Variants in CORIN observed in about 807,000 individuals in gnomAD.
The protein encoded by CORIN is corin, serine peptidase, also known as atrial natriuretic peptide-converting enzyme.
A neutral mutation model predicts 125.3 loss-of-function variants in CORIN; 117 were observed. That is an observed-to-expected ratio of 0.93 (90% CI 0.80 to 1.09). The LOEUF (loss-of-function observed/expected upper bound fraction) is 1.09, where lower values mean the gene tolerates loss of function less well. Ranked by LOEUF, CORIN falls within the 50% of genes least tolerant of loss-of-function variation. CORIN has a pLI of 0.00. For missense variants in CORIN, 1,253 were observed against 1,306.7 expected (o/e 0.96, Z 0.63); for synonymous variants, 450 against 466.4 (o/e 0.96, Z 0.45).
At chr4:47,685,765 T>G (rs1405176857) in intron 6 of CORIN, among the ~76,000 whole-genome samples, 1 of 151,980 alleles carries the variant, frequency 6.6e-6, no homozygotes. Flanking sequence ...GTAAATTAAG[T>G]GCAAAACAGT....
chr4:47,744,688 T>C, intron 4 of CORIN, 105 bp from the exon 5 acceptor site: 1 of 1,084,562 alleles, frequency 9.2e-7, no homozygotes, highest in Non-Finnish European at 1.3e-6. Context: ...ATTATCTTAA[T>C]TTATACTTAC....
At chr4:47,736,049 T>A (rs1380281947) in intron 5 of CORIN, among the ~76,000 whole-genome samples, 1 of 152,166 alleles carries the variant, frequency 6.6e-6, no homozygotes, top group Non-Finnish European at 1.5e-5. Flanking sequence ...GATTTTTTTA[T>A]TTTCAAGTTT....
intron 10 of CORIN, among the ~76,000 whole-genome samples, chr4:47,667,546 T>C (rs1363063742): frequency 1.3e-5 from 2 of 152,152 alleles, no homozygotes; most frequent in Admixed American, 6.5e-5. Context: ...TCCATGCAAA[T>C]AGATTTGCAA....
intron 1 of CORIN, among the ~76,000 whole-genome samples, chr4:47,808,215 C>G (rs1731880343): frequency 6.6e-6 from 1 of 152,134 alleles, no homozygotes; most frequent in African/African-American, 2.4e-5. Context: ...TCATCATCCC[C>G]CTATGCCGTA....
In CORIN at chr4:47,623,582, G is replaced by C; in HGVS notation, c.2529C>G (p.His843Gln). ...IAKKWVLTVAHCFEGRENAAV... is the reference protein window; with the variant it reads ...IAKKWVLTVAQCFEGRENAAV... ...AAGGTGCAGCTTACCCCTCGAAGCA[G>C]TGGGCAACTGTCAGAACCCACTTCT... Residue 843 changes from histidine (H) to glutamine (Q), a missense_variant, in exon 19 of 22, where the codon CAC becomes CAG. His to Gln is a conservative substitution (Grantham distance 24, BLOSUM62 0). Transcript: ENST00000273857. 1.2e-6 allele frequency: 2 copies of C among 1,614,104 alleles called. No homozygotes were observed. The highest frequency in any genetic ancestry group is 1.7e-6 in the Non-Finnish European group (2 of 1,179,960).
intron 1 of CORIN, among the ~76,000 whole-genome samples, chr4:47,815,483 G>T (rs1392283738): frequency 6.6e-6 from 1 of 152,094 alleles, no homozygotes; most frequent in Non-Finnish European, 1.5e-5. Flanking sequence ...TTCTGTAATA[G>T]TTATAGAAGA....
intron 2 of CORIN, 139 bp downstream of exon 2, chr4:47,806,764 A>G: frequency 1.2e-6 from 1 of 814,260 alleles, no homozygotes; most frequent in Non-Finnish European, 1.9e-6. Flanking sequence ...GAAACTGCAG[A>G]TTTGCATAAC....
chr4:47,654,709 G>C (rs1477378694), intron 12 of CORIN, among the ~76,000 whole-genome samples: 2 of 152,128 alleles, frequency 1.3e-5, no homozygotes, highest in Non-Finnish European at 2.9e-5. Flanking sequence ...AAAGTGTTTT[G>C]GGGTCCTTAA....
chr4:47,605,897 G>A (rs1048664871), intron 19 of CORIN, among the ~76,000 whole-genome samples: 2 of 152,092 alleles, frequency 1.3e-5, no homozygotes, highest in Non-Finnish European at 2.9e-5. Context: ...TAGGAAGGAG[G>A]AGCCAAGGTA....
intron 4 of CORIN, among the ~76,000 whole-genome samples, chr4:47,748,598 C>G (rs573558565): frequency 3.9e-5 from 6 of 152,150 alleles, no homozygotes; most frequent in Admixed American, 1.3e-4. Context: ...AATTATTTAT[C>G]TACCAAAACT....
chr4:47,731,003 G>A (rs1348941756), intron 5 of CORIN, among the ~76,000 whole-genome samples: 2 of 152,262 alleles, frequency 1.3e-5, no homozygotes, highest in Admixed American at 6.5e-5. Flanking sequence ...CCCGGTGGTT[G>A]TGGAGATAGT....
At chr4:47,802,838 A>C (rs949773931) in intron 2 of CORIN, among the ~76,000 whole-genome samples, 11 of 152,162 alleles carry the variant, frequency 7.2e-5, no homozygotes, top group Non-Finnish European at 1.5e-5. Flanking sequence ...TCAAGTCTCA[A>C]CTAGCACAGT....
intron 10 of CORIN, among the ~76,000 whole-genome samples, chr4:47,673,100 C>T (rs1025597934): frequency 2.0e-5 from 3 of 151,930 alleles, no homozygotes; most frequent in African/African-American, 4.8e-5. Flanking sequence ...GTGGCTCGCG[C>T]CTGTAAGGCC....
intron 4 of CORIN, among the ~76,000 whole-genome samples, chr4:47,758,965 C>T (rs748620295): frequency 6.6e-6 from 1 of 152,140 alleles, no homozygotes; most frequent in Non-Finnish European, 1.5e-5. Flanking sequence ...AATAATAACA[C>T]ATAGTAACTG....
At chr4:47,680,971 T>A (rs1187817036) in intron 7 of CORIN, 1 of 152,220 alleles carries the variant, frequency 6.6e-6, no homozygotes, top group Non-Finnish European at 1.5e-5. Flanking sequence ...GTTATATTCA[T>A]GATTCTTTTT....
chr4:47,659,313 A>C (rs768989597), intron 12 of CORIN, among the ~76,000 whole-genome samples: 1 of 152,178 alleles, frequency 6.6e-6, no homozygotes, highest in Non-Finnish European at 1.5e-5. Context: ...CCACATTTTC[A>C]GGTATCTTTA....
At chr4:47,812,342 A>T (rs180759232) in intron 1 of CORIN, among the ~76,000 whole-genome samples, 352 of 152,082 alleles carry the variant, frequency 2.3e-3, no homozygotes, top group African/African-American at 7.6e-3. Context: ...CTACAAAAAG[A>T]AAAAAAATTA....
At position 47,721,162 on chromosome 4, in the gene CORIN, C is replaced by CAG. The variant is rs1401695876; in HGVS notation, c.799+23238_799+23239dup. On this transcript the variant is annotated intron_variant, in intron 5 of 21. Transcript: ENST00000273857. ...CACGTGGCCTCTCTTGATGCATGTA[C>CAG]AGACAGAGAGAGAGAGAGAGAGAGC... 4.0e-5 allele frequency among the ~76,000 whole-genome samples: 6 copies of CAG among 150,024 alleles called. 1 individual carries two copies. The highest frequency in any genetic ancestry group is 2.6e-4 in the Admixed American group (4 of 15,166).
intron 10 of CORIN, among the ~76,000 whole-genome samples, chr4:47,666,353 A>C (rs890422552): frequency 5.9e-5 from 9 of 152,244 alleles, no homozygotes; most frequent in African/African-American, 1.2e-4. Context: ...CACCTAGCAC[A>C]GTGCCAGAAT....
Sources: gnomAD v4.1 joint callset for allele counts (sites outside exome capture counted in the v4.1 genomes callset) on GRCh38, gnomAD v4.1.1 for gene constraint, MANE v1.5 for transcripts, NCBI Gene and HGNC (gene_info 2026-07-23, HGNC 2026-07-21) for gene names.